FHAD1: variants seen among roughly 807,000 people sequenced by gnomAD.
The protein encoded by FHAD1 is forkhead-associated domain-containing protein 1.
Under a neutral mutation model 191.3 loss-of-function variants are expected in FHAD1, and 146 were observed. The ratio of observed to expected loss-of-function variants is 0.76; its 90% CI spans 0.67 to 0.88. FHAD1 has a LOEUF of 0.88. Among genes scored for constraint, FHAD1 ranks in the 40% least tolerant of loss-of-function variants. The probability of loss-of-function intolerance (pLI) is 0.00; values close to 1 mark genes in which losing one functional copy is unlikely to be tolerated. For missense variants in FHAD1, 1,635 were observed against 1,785.8 expected (o/e 0.92, Z 1.52); for synonymous variants, 616 against 672.3 (o/e 0.92, Z 1.29).
chr1:15,397,282 TCTTG>T lies in FHAD1; in HGVS notation c.4324-10_4324-7del. ...TGCAATGGAGTTTGTGTGTTTTTTCTCTTGCTTGTTAAAGGTTGGAACCAGAAAA... is the reference window on the plus strand; with the variant it reads ...TGCAATGGAGTTTGTGTGTTTTTTCTCTTGTTAAAGGTTGGAACCAGAAAA... On this transcript the variant is annotated splice_polypyrimidine_tract_variant and intron_variant, in intron 33 of 33. Transcript: ENST00000688493. The T allele has an allele frequency of 1.5e-6, 2 of 1,352,740 alleles. No homozygotes were observed. Among genetic ancestry groups the T allele is most frequent in the Non-Finnish European group, 2.0e-6 (2 of 980,092 alleles). The allele number at this position is 1,352,740 out of a possible 1,614,324, so 83.8% of individuals were successfully genotyped here.
intron 7 of FHAD1, among the ~76,000 whole-genome samples, chr1:15,310,551 G>A (rs1671955528): frequency 6.6e-6 from 1 of 152,196 alleles, no homozygotes; most frequent in Non-Finnish European, 1.5e-5. Flanking sequence ...GGCCTGGGAT[G>A]GGCTACACTC....
chr1:15,326,942 T>G (rs1316625318), intron 11 of FHAD1, 117 bp from the exon 12 acceptor site: 2 of 637,278 alleles, frequency 3.1e-6, no homozygotes, highest in Non-Finnish European at 5.7e-6. Context: ...CGCGGAATGG[T>G]CATTCAGGCG....
rs758697654 is a variant in FHAD1 at position 15,327,111 on chromosome 1, C to T, written c.1526C>T (p.Pro509Leu). ...VIKATYGRAK[P>L]FRDKPVTDQQ... Reference sequence around the variant, plus strand: ...AAGGCCACCTATGGACGGGCGAAGCCGTTCCGGGACAAGCCCGTCACCGAC... The same window carrying T: ...AAGGCCACCTATGGACGGGCGAAGCTGTTCCGGGACAAGCCCGTCACCGAC... Residue 509 changes from proline (P) to leucine (L), a missense_variant, in exon 12 of 34, where the codon CCG becomes CTG. Pro to Leu is a moderately conservative substitution (Grantham distance 98, BLOSUM62 -3). Coordinates refer to ENST00000688493, the MANE Select transcript of FHAD1 (RefSeq NM_001391957.1). The surrounding 1 kb of genome is among the most constrained non-coding windows in gnomAD (Gnocchi z 5.1). 2.6e-5 allele frequency: 40 copies of T among 1,551,264 alleles called. No homozygotes were observed. In the South Asian group the frequency reaches 3.3e-4, roughly 13 times the overall value.
chr1:15,402,136 A>C (rs1707142454), downstream of FHAD1, among the ~76,000 whole-genome samples: 1 of 152,206 alleles, frequency 6.6e-6, no homozygotes, highest in African/African-American at 2.4e-5. Context: ...TTTGACAGTT[A>C]AACAACCAGC....
chr1:15,333,754 C>G (rs1020140169), intron 14 of FHAD1, among the ~76,000 whole-genome samples: 1 of 151,064 alleles, frequency 6.6e-6, no homozygotes, highest in Non-Finnish European at 1.5e-5. Flanking sequence ...GTGTTTCACA[C>G]GCATTGTGTA....
At chr1:15,278,998 G>T (rs1659523952) in intron 3 of FHAD1, among the ~76,000 whole-genome samples, 1 of 152,050 alleles carries the variant, frequency 6.6e-6, no homozygotes, top group African/African-American at 2.4e-5. Context: ...GAAATTTGAG[G>T]TTTATAGTCC....
At chr1:15,262,347 A>G (rs1651469327) in intron 2 of FHAD1, among the ~76,000 whole-genome samples, 1 of 151,978 alleles carries the variant, frequency 6.6e-6, no homozygotes, top group African/African-American at 2.4e-5. Context: ...TTCACCACAA[A>G]CCCATAAGGG....
chr1:15,267,379 T>G (rs558787882), intron 2 of FHAD1, among the ~76,000 whole-genome samples: 1 of 152,324 alleles, frequency 6.6e-6, no homozygotes, highest in South Asian at 2.1e-4. Flanking sequence ...AGACTTCACG[T>G]CTATGTATAT....
At chr1:15,264,961 T>G (rs1453809371) in intron 2 of FHAD1, among the ~76,000 whole-genome samples, 1 of 152,232 alleles carries the variant, frequency 6.6e-6, no homozygotes, top group Middle Eastern at 3.2e-3. Context: ...ATTCTGTTAA[T>G]GCATTATGTT....
In FHAD1 at chr1:15,382,101, G is replaced by A. The variant is rs138226187; in HGVS notation, c.4096G>A (p.Glu1366Lys). The change falls in exon 31 of 34, where the codon GAA (glutamate) becomes AAA (lysine). Residue 1366 changes from glutamate to lysine, a missense_variant. Glu to Lys is a moderately conservative substitution (Grantham distance 56, BLOSUM62 1). Coordinates refer to ENST00000688493, the MANE Select transcript of FHAD1 (RefSeq NM_001391957.1). ...KLEDDIYKEA[E>K]EKALLKEALE... Reference sequence around the variant, plus strand: ...GGAGGATGATATCTACAAAGAGGCCGAAGAGAAGGCCCTGCTGAAGGAGGC... The same window carrying A: ...GGAGGATGATATCTACAAAGAGGCCAAAGAGAAGGCCCTGCTGAAGGAGGC... The A allele has an allele frequency of 2.1e-5, 32 of 1,552,132 alleles. No individual in the cohort carries two copies. The East Asian group carries it at 5.1e-4, about 25-fold the overall frequency.
intron 4 of FHAD1, among the ~76,000 whole-genome samples, chr1:15,295,888 A>G (rs1666798688): frequency 6.6e-6 from 1 of 152,252 alleles, no homozygotes; most frequent in Non-Finnish European, 1.5e-5. Flanking sequence ...GCCACATTCC[A>G]GTAAAACTGT....
chr1:15,396,445 CTT>C (rs1324199429), intron 33 of FHAD1, among the ~76,000 whole-genome samples: 2 of 152,136 alleles, frequency 1.3e-5, no homozygotes, highest in Admixed American at 6.5e-5. Flanking sequence ...CATTTTATCT[CTT>C]TTGTGCTCAT....
intron 28 of FHAD1, among the ~76,000 whole-genome samples, chr1:15,378,324 G>C (rs537264006): frequency 2.0e-5 from 3 of 152,302 alleles, no homozygotes; most frequent in South Asian, 4.2e-4. Flanking sequence ...AAAAATTAAG[G>C]CTTCAGAAGG....
chr1:15,266,524 C>A (rs2101085864), intron 2 of FHAD1, among the ~76,000 whole-genome samples: 1 of 152,140 alleles, frequency 6.6e-6, no homozygotes, highest in South Asian at 2.1e-4. Context: ...CGCAGTTTCC[C>A]CTATTATTAA....
chr1:15,315,458 C>T lies in FHAD1; in HGVS notation c.1171-920C>T, dbSNP rs186162019. On this transcript the variant is annotated intron_variant, in intron 8 of 33. Transcript: ENST00000688493. ...GTCTGTGCACAATGGAATCAAACAG[C>T]CCCGGGTTATCGGACATGGGTGTTT... Among the ~76,000 whole-genome samples, 631 of 151,462 alleles carry T rather than the reference C, an allele frequency of 4.2e-3. 11 individuals are homozygous for T. Among genetic ancestry groups the T allele is most frequent in the Admixed American group, 0.033 (494 of 15,146 alleles).
Position 15,397,949 on chromosome 1 carries a change from A to T in FHAD1, c.*536A>T, listed in dbSNP as rs927917104. On this transcript the variant is annotated 3_prime_UTR_variant, in exon 34 of 34. Transcript: ENST00000688493. ...AGTTTGAGACCAGCCTGGCAAACATAGTGAATACCTGTCTCTACTAAAAAT... is the reference window on the plus strand; with the variant it reads ...AGTTTGAGACCAGCCTGGCAAACATTGTGAATACCTGTCTCTACTAAAAAT... The T allele has an allele frequency of 2.6e-5, 4 of 152,160 alleles. No homozygotes were observed. The highest frequency in any genetic ancestry group is 9.7e-5 in the African/African-American group (4 of 41,402). 9.4% of individuals were successfully genotyped at this position (152,160 alleles called of 1,614,324 possible).
intron 4 of FHAD1, among the ~76,000 whole-genome samples, chr1:15,292,325 G>GTT (rs1553248438): frequency 2.7e-5 from 4 of 148,344 alleles, no homozygotes; most frequent in East Asian, 2.0e-4. Context: ...TTTTTGTGGG[G>GTT]TTTTTTTTGT....
intron 26 of FHAD1, among the ~76,000 whole-genome samples, chr1:15,371,377 C>A (rs1698042211): frequency 6.6e-6 from 1 of 152,144 alleles, no homozygotes; most frequent in South Asian, 2.1e-4. Flanking sequence ...AGGGAGACTG[C>A]AAGATAAAAG....
chr1:15,345,913 C>T (rs1688751729), intron 18 of FHAD1, among the ~76,000 whole-genome samples: 1 of 152,150 alleles, frequency 6.6e-6, no homozygotes, highest in African/African-American at 2.4e-5. Context: ...AGCACCACCA[C>T]TAAGGAATGT....
Sources: gnomAD v4.1 joint callset for allele counts (sites outside exome capture counted in the v4.1 genomes callset) on GRCh38, gnomAD v4.1.1 for gene constraint, Gnocchi (gnomAD v3.1) non-coding constraint, MANE v1.5 for transcripts, NCBI Gene and HGNC (gene_info 2026-07-23, HGNC 2026-07-21) for gene names.